The following NEB variants were observed in gnomAD, a reference collection of about 807,000 sequenced individuals.
NEB encodes the protein nebulin.
NEB carries 512 observed loss-of-function variants against 952.2 expected under a neutral mutation model. The ratio of observed to expected loss-of-function variants is 0.54; its 90% CI spans 0.50 to 0.58. The LOEUF is 0.58. Ranked by LOEUF, NEB falls within the 20% of genes least tolerant of loss-of-function variation. The pLI is 0.00. For missense variants in NEB, 8,428 were observed against 9,231.1 expected, an observed-to-expected ratio of 0.91 and a Z score of 3.56; for synonymous variants, 2,900 against 3,149.8, an observed-to-expected ratio of 0.92 and a Z score of 2.66.
chr2:151,497,792 GAA>G, intron 170 of NEB, 74 bp from the exon 171 acceptor site: 1 of 1,538,360 alleles, frequency 6.5e-7, no homozygotes, highest in African/African-American at 1.4e-5. Flanking sequence ...TAAGGATGAG[GAA>G]AAAACACAGT....
Position 151,575,741 on chromosome 2 carries a change from G to A in NEB, c.16967C>T (p.Thr5656Ile), listed in dbSNP as rs1353681047. ...TGCTCTAGCGAGATTAATTTCTGGA[G>A]TATCTGGCATTATGTGTATTGAAGT... ...DKTSIHIMPDTPEINLARANA... is the reference protein window; with the variant it reads ...DKTSIHIMPDIPEINLARANA... The change falls in exon 107 of 182, where the codon ACT becomes ATT. Residue 5656 changes from threonine (T) to isoleucine (I), a missense_variant. This residue lies in a region of NEB where 3,374 missense variants were observed against 3,651.5 expected (regional missense o/e 0.92). Transcript: ENST00000397345. 5 of 1,610,888 alleles carry A rather than the reference G, an allele frequency of 3.1e-6. No homozygotes were observed. Among genetic ancestry groups the A allele is most frequent in the Non-Finnish European group, 4.2e-6 (5 of 1,177,152 alleles).
At position 151,630,776 on chromosome 2, in the gene NEB, T is replaced by C. The variant is rs2098651507; in HGVS notation, c.9662A>G (p.His3221Arg). Reference sequence around the variant, plus strand: ...AATCTCTGGTGTATCAGGCATTATGTGAATTTGAGTCTTGTCTTTGTCCCA... The same window carrying C: ...AATCTCTGGTGTATCAGGCATTATGCGAATTTGAGTCTTGTCTTTGTCCCA... ...EAWDKDKTQI[H>R]IMPDTPEIML... is the part of the protein sequence containing the mutation. The change falls in exon 67 of 182, where the codon CAC (histidine) becomes CGC (arginine). Residue 3221 changes from histidine to arginine, a missense_variant. This residue lies in a region of NEB where 1,772 missense variants were observed against 1,960.3 expected (regional missense o/e 0.90). Coordinates refer to ENST00000397345, the MANE Select transcript of NEB (RefSeq NM_001164508.2). The C allele has an allele frequency of 1.2e-6, 2 of 1,611,734 alleles. No homozygotes were observed.
At chr2:151,515,057 C>T in intron 157 of NEB, 129 bp from the exon 158 acceptor site, 2 of 634,134 alleles carry the variant, frequency 3.2e-6, no homozygotes, top group South Asian at 4.0e-5. Context: ...TGCTAATGGT[C>T]ACACATTTGA....
At chr2:151,717,546 A>C in intron 9 of NEB, 26 bp from the exon 10 acceptor site, 3 of 1,517,542 alleles carry the variant, frequency 2.0e-6, no homozygotes, top group Non-Finnish European at 2.7e-6. Context: ...ACAGGGATGT[A>C]TTTTAAAAAC....
Position 151,540,677 on chromosome 2 carries a change from G to T in NEB, c.20787+20C>A, listed in dbSNP as rs199786837. ...ATTTTTCTTTTTACCCAGTGCCTCAGTGCTGAATTCCCATCTTACCTCACT... is the reference window on the plus strand; with the variant it reads ...ATTTTTCTTTTTACCCAGTGCCTCATTGCTGAATTCCCATCTTACCTCACT... On this transcript the variant is annotated intron_variant, in intron 137 of 181. Transcript: ENST00000397345. 1.3e-5 allele frequency: 21 copies of T among 1,599,572 alleles called. No homozygotes were observed. The highest frequency in any genetic ancestry group is 1.7e-5 in the Non-Finnish European group (20 of 1,167,004).
At position 151,609,838 on chromosome 2, in the gene NEB, C is replaced by G; in HGVS notation, c.12301G>C (p.Ala4101Pro). 6.3e-7 allele frequency: 1 copy of G among 1,590,654 alleles called. No homozygotes were observed. Among genetic ancestry groups the G allele is most frequent in the South Asian group, 1.1e-5 (1 of 87,506 alleles). Residue 4101 changes from alanine to proline, a missense_variant, in exon 81 of 182, where the codon GCA becomes CCA. Physicochemically the swap from Ala to Pro is conservative, Grantham distance 27. This residue lies in a region of NEB where 337 missense variants were observed against 297.5 expected (regional missense o/e 1.13). Transcript: ENST00000397345. ...CMPDQNDIIQAKKAYDLQSDS... is the reference protein window; with the variant it reads ...CMPDQNDIIQPKKAYDLQSDS... ...CTCTGCAGGTCATAGGCCTTTTTTG[C>G]TTGGATAATGTCGTTTTGATCCGGC...
intron 9 of NEB, among the ~76,000 whole-genome samples, chr2:151,722,231 G>GT (rs2099776179): frequency 1.3e-5 from 2 of 152,192 alleles, no homozygotes. Flanking sequence ...GAAGACTGGA[G>GT]TAGCAGTCTG....
At chr2:151,664,729 C>T in intron 43 of NEB, 30 bp downstream of exon 43, 2 of 1,571,822 alleles carry the variant, frequency 1.3e-6, no homozygotes, top group Non-Finnish European at 1.7e-6. Context: ...TAACCTTCTC[C>T]CCAGCTTTTG....
At chr2:151,688,257 C>T (rs2099518435) in intron 25 of NEB, 35 bp downstream of exon 25, 5 of 1,460,824 alleles carry the variant, frequency 3.4e-6, no homozygotes, top group Non-Finnish European at 4.8e-6. Flanking sequence ...TTTTCATGTA[C>T]ACCAAACATA....
chr2:151,497,224 C>T, intron 171 of NEB, 191 bp from the exon 172 acceptor site: 1 of 787,746 alleles, frequency 1.3e-6, no homozygotes, highest in Non-Finnish European at 1.5e-6. Context: ...AATCTGCACC[C>T]TCTAGAGAAG....
intron 161 of NEB, among the ~76,000 whole-genome samples, chr2:151,510,015 C>T (rs116352209): frequency 0.025 from 3,737 of 152,276 alleles, 57 homozygotes; most frequent in African/African-American, 0.039. Flanking sequence ...AGCTATATGT[C>T]TTTGTGTAAG....
intron 52 of NEB, among the ~76,000 whole-genome samples, chr2:151,652,770 G>C (rs367679749): frequency 9.6e-4 from 146 of 152,258 alleles, no homozygotes; most frequent in African/African-American, 3.3e-3. Context: ...GTTCATTTGA[G>C]AGTAAGATTT....
chr2:151,617,462 A>G lies in NEB; in HGVS notation c.11083T>C (p.Tyr3695His). Residue 3695 changes from tyrosine (Y) to histidine (H), a missense_variant, in exon 75 of 182, where the codon TAT becomes CAT. Tyr to His is a moderately conservative substitution (Grantham distance 83). Around this residue, in one of 11 missense-constraint regions of NEB, gnomAD observed 1,772 missense variants for 1,960.3 expected, o/e 0.90. Transcript: ENST00000397345. ...TTGTCATTGTCCCAGGCTTCAGTATATAAGCGCTACAAAAAAAAAAAAAAA... is the reference window on the plus strand; with the variant it reads ...TTGTCATTGTCCCAGGCTTCAGTATGTAAGCGCTACAAAAAAAAAAAAAAA... ...NNALNMNKRL[Y>H]TEAWDNDKKT... is the part of the protein sequence containing the mutation. 1 of 1,464,418 alleles carries G rather than the reference A, an allele frequency of 6.8e-7. No individual in the cohort carries two copies. The highest frequency in any genetic ancestry group is 9.1e-7 in the Non-Finnish European group (1 of 1,093,940). The allele number at this position is 1,464,418 out of a possible 1,614,324, so 90.7% of individuals were successfully genotyped here. A position where few individuals can be genotyped will look rare whatever the true frequency, so the allele number is the denominator to read the frequency against.
At chr2:151,635,406 C>T (rs951056226) in intron 64 of NEB, among the ~76,000 whole-genome samples, 1 of 152,024 alleles carries the variant, frequency 6.6e-6, no homozygotes, top group Non-Finnish European at 1.5e-5. Flanking sequence ...GGGAGACGTG[C>T]TAAATGGCTA....
intron 43 of NEB, 61 bp downstream of exon 43, chr2:151,664,698 G>C (rs2099189408): frequency 5.2e-6 from 8 of 1,526,514 alleles, no homozygotes; most frequent in Non-Finnish European, 7.2e-6. Context: ...GTAGAATGCA[G>C]ACATAAGTAT....
chr2:151,548,816 G>GTT (rs1461309594), intron 130 of NEB, among the ~76,000 whole-genome samples: 1 of 152,176 alleles, frequency 6.6e-6, no homozygotes, highest in Non-Finnish European at 1.5e-5. Flanking sequence ...TCCTTTAGGT[G>GTT]TTAGATTATT....
chr2:151,572,360 C>T (rs919219796), intron 107 of NEB, among the ~76,000 whole-genome samples: 4 of 151,546 alleles, frequency 2.6e-5, no homozygotes, highest in Non-Finnish European at 5.9e-5. Context: ...AATTAAACTA[C>T]AAAATAGTTA....
At chr2:151,493,695 CTG>C (rs2058274386) in intron 175 of NEB, 78 bp downstream of exon 175, 2 of 1,172,962 alleles carry the variant, frequency 1.7e-6, no homozygotes, top group East Asian at 5.2e-5. Flanking sequence ...TTTGGAAAAA[CTG>C]TAAGATAAAT....
At chr2:151,726,508 AT>A (rs1484509633) in intron 5 of NEB, among the ~76,000 whole-genome samples, 1 of 152,148 alleles carries the variant, frequency 6.6e-6, no homozygotes, top group African/African-American at 2.4e-5. Context: ...GCTACATTTC[AT>A]TTTTTTAAGC....
Sources: allele counts gnomAD v4.1 joint callset (sites outside exome capture counted in the v4.1 genomes callset), GRCh38; gene constraint gnomAD v4.1.1; regional missense constraint gnomAD v4.1.1; transcripts MANE v1.5; gene names NCBI Gene and HGNC (gene_info 2026-07-23, HGNC 2026-07-21).